Variants in INSL6 observed in about 807,000 individuals in gnomAD.
INSL6 encodes insulin-like peptide INSL6.
INSL6 carries 16 observed loss-of-function variants against 9.4 expected under a neutral mutation model. That is an observed-to-expected ratio of 1.70 (90% confidence interval 1.15 to 2.59). INSL6 has a LOEUF of 2.59. INSL6 is among the 30% of genes most tolerant of loss of function. INSL6 has a pLI of 0.00. For synonymous variants in INSL6, 154 were observed against 96.9 expected, an observed-to-expected ratio of 1.59 and a Z score of -3.46; for missense variants, 391 against 257.3, an observed-to-expected ratio of 1.52 and a Z score of -3.56.
intron 1 of INSL6, among the ~76,000 whole-genome samples, chr9:5,181,972 T>A (rs889777583): frequency 6.6e-6 from 1 of 152,206 alleles, no homozygotes; most frequent in South Asian, 2.1e-4. Flanking sequence ...GTGGTGCAAC[T>A]ATACATTGGT....
intron 2 of INSL6, among the ~76,000 whole-genome samples, chr9:5,137,892 G>GA (rs1174113329): frequency 1.3e-5 from 2 of 150,826 alleles, no homozygotes; most frequent in African/African-American, 2.4e-5. Flanking sequence ...AAATTTACAA[G>GA]AAAAAAAACC....
chr9:5,034,067 C>T, the INSL6 span, among the ~76,000 whole-genome samples: 7 of 151,394 alleles, frequency 4.6e-5, no homozygotes, highest in Non-Finnish European at 1.0e-4. Flanking sequence ...AAACGGAAAA[C>T]AAAAAAAGGC....
chr9:5,090,852 C>G, the INSL6 span: 15 of 1,613,032 alleles, frequency 9.3e-6, no homozygotes, highest in South Asian at 3.3e-5. Context: ...TAACCAAAGT[C>G]TTGCCACAAG....
the INSL6 span, among the ~76,000 whole-genome samples, chr9:5,016,938 A>G: frequency 2.2e-4 from 34 of 152,370 alleles, no homozygotes; most frequent in African/African-American, 8.2e-4. Context: ...TTCCTAGAAT[A>G]GAAAAAAGAC....
At chr9:5,113,193 T>G in the INSL6 span, among the ~76,000 whole-genome samples, 1 of 25,382 alleles carries the variant, frequency 3.9e-5, no homozygotes, top group Admixed American at 3.5e-4. Context: ...GGCAGGAGCT[T>G]TTTTTTTTTT....
chr9:5,115,247 A>G, the INSL6 span, among the ~76,000 whole-genome samples: 12 of 152,214 alleles, frequency 7.9e-5, no homozygotes, highest in African/African-American at 2.7e-4. Context: ...AAAAGTGGGT[A>G]AAGGATATGA....
chr9:5,171,139 C>T (rs995918190), intron 1 of INSL6, among the ~76,000 whole-genome samples: 1 of 152,102 alleles, frequency 6.6e-6, no homozygotes, highest in Admixed American at 6.5e-5. Flanking sequence ...TTATCTGCCA[C>T]GATCAAGTTG....
chr9:5,162,559 G>A (rs912602796), downstream of INSL6, among the ~76,000 whole-genome samples: 2 of 152,110 alleles, frequency 1.3e-5, no homozygotes, highest in Non-Finnish European at 2.9e-5. Flanking sequence ...TTTAGCCAAA[G>A]CATAGACAAC....
chr9:5,087,489 T>C, the INSL6 span, among the ~76,000 whole-genome samples: 1 of 55,792 alleles, frequency 1.8e-5, no homozygotes, highest in East Asian at 4.2e-4. Context: ...CTTACTTGAT[T>C]TCTTTCCTGG....
At chr9:5,108,433 C>G in the INSL6 span, 1 of 152,088 alleles carries the variant, frequency 6.6e-6, no homozygotes, top group Non-Finnish European at 1.5e-5. Flanking sequence ...TTAAATACTT[C>G]AGATTCTCTA....
chr9:5,082,666 G>C, the INSL6 span, among the ~76,000 whole-genome samples: 2 of 152,220 alleles, frequency 1.3e-5, no homozygotes, highest in Non-Finnish European at 2.9e-5. Flanking sequence ...GAGAAACCTT[G>C]GACATTACCC....
At chr9:5,030,850 A>G in the INSL6 span, among the ~76,000 whole-genome samples, 2 of 152,146 alleles carry the variant, frequency 1.3e-5, no homozygotes, top group African/African-American at 4.8e-5. Flanking sequence ...TGAGTTCAAA[A>G]AAATATTTTT....
chr9:5,105,456 G>T, the INSL6 span, among the ~76,000 whole-genome samples: 1 of 152,184 alleles, frequency 6.6e-6, no homozygotes, highest in South Asian at 2.1e-4. Context: ...TCATGGATAG[G>T]AAGAATCAAT....
chr9:5,075,769 C>T, the INSL6 span, among the ~76,000 whole-genome samples: 1 of 152,144 alleles, frequency 6.6e-6, no homozygotes, highest in Non-Finnish European at 1.5e-5. Flanking sequence ...TTTCAACTTT[C>T]AAGTCTTATT....
At chr9:5,020,692 G>C in the INSL6 span, among the ~76,000 whole-genome samples, 1 of 152,176 alleles carries the variant, frequency 6.6e-6, no homozygotes, top group East Asian at 1.9e-4. Context: ...GTAGGTGGTA[G>C]AGCTTGTCCT....
chr9:5,104,778 C>G, the INSL6 span, among the ~76,000 whole-genome samples: 4 of 152,192 alleles, frequency 2.6e-5, no homozygotes, highest in African/African-American at 9.7e-5. Flanking sequence ...AAACGTAATC[C>G]ATAACATAAA....
the INSL6 span, among the ~76,000 whole-genome samples, chr9:5,056,773 G>A: frequency 6.6e-6 from 1 of 152,098 alleles, no homozygotes; most frequent in South Asian, 2.1e-4. Flanking sequence ...AGAGTTTATT[G>A]ATCTTAATGT....
At chr9:5,167,006 G>A (rs944272687) in intron 1 of INSL6, among the ~76,000 whole-genome samples, 2 of 152,004 alleles carry the variant, frequency 1.3e-5, no homozygotes, top group Non-Finnish European at 2.9e-5. Flanking sequence ...AGCTCCCACC[G>A]AAAAGGACAA....
chr9:5,164,300 TA>T, intron 1 of INSL6, 35 bp from the exon 2 acceptor site: 1 of 1,358,960 alleles, frequency 7.4e-7, no homozygotes, highest in East Asian at 2.3e-5. Flanking sequence ...GCTCCTTTAT[TA>T]AAATCTTCCT....
Sources: allele counts gnomAD v4.1 joint callset (sites outside exome capture counted in the v4.1 genomes callset), GRCh38; gene constraint gnomAD v4.1.1; transcripts MANE v1.5; gene names NCBI Gene and HGNC (gene_info 2026-07-23, HGNC 2026-07-21).